Variants in GADL1 observed in about 807,000 individuals in gnomAD.
GADL1 encodes the protein GAD like acidic amino acid decarboxylase 1.
Under a neutral mutation model 69.5 loss-of-function variants are expected in GADL1, and 71 were observed. The observed-to-expected ratio is 1.02, with a 90% CI of 0.84 to 1.25. GADL1 has a LOEUF of 1.25. GADL1 is among the 50% of genes most tolerant of loss of function. The probability of loss-of-function intolerance (pLI) is 0.00; values close to 1 mark genes in which losing one functional copy is unlikely to be tolerated. For missense variants in GADL1, 737 were observed against 631.8 expected (o/e 1.17, Z -1.79); for synonymous variants, 254 against 214.4 (o/e 1.18, Z -1.62).
At chr3:30,774,796 A>G (rs975438356) in intron 14 of GADL1, among the ~76,000 whole-genome samples, 1 of 152,082 alleles carries the variant, frequency 6.6e-6, no homozygotes, top group East Asian at 2.0e-4. Flanking sequence ...AATAGTGGTC[A>G]TTGACTCTGA....
At chr3:30,891,151 A>G (rs1698780578) in intron 1 of GADL1, among the ~76,000 whole-genome samples, 1 of 152,090 alleles carries the variant, frequency 6.6e-6, no homozygotes, top group Non-Finnish European at 1.5e-5. Flanking sequence ...ATGATCTGAG[A>G]GGAACAGAAT....
chr3:30,858,553 G>T (rs1698264424), intron 2 of GADL1, among the ~76,000 whole-genome samples: 1 of 151,988 alleles, frequency 6.6e-6, no homozygotes, highest in African/African-American at 2.4e-5. Context: ...AGGGTGAGAT[G>T]AATGAGCCAA....
chr3:30,799,203 C>A (rs1029639332), intron 12 of GADL1: 11 of 152,304 alleles, frequency 7.2e-5, no homozygotes, highest in African/African-American at 2.7e-4. Flanking sequence ...AGCAGAGGGT[C>A]TCCATGAGGG....
At chr3:30,867,518 G>A (rs866960536) in intron 1 of GADL1, among the ~76,000 whole-genome samples, 9 of 150,990 alleles carry the variant, frequency 6.0e-5, no homozygotes, top group Non-Finnish European at 1.3e-4. Flanking sequence ...AAGTTTTACA[G>A]ATTTAACAAA....
chr3:30,860,007 G>C (rs913852987), intron 2 of GADL1, among the ~76,000 whole-genome samples: 3 of 151,868 alleles, frequency 2.0e-5, no homozygotes, highest in Admixed American at 2.0e-4. Context: ...TCCCCTTGCT[G>C]TGTTAAGTAC....
At chr3:30,831,045 A>G (rs1015393963) in intron 11 of GADL1, among the ~76,000 whole-genome samples, 1 of 151,986 alleles carries the variant, frequency 6.6e-6, no homozygotes, top group African/African-American at 2.4e-5. Flanking sequence ...CTCTCTTGCC[A>G]TCAACTCTGG....
chr3:30,849,987 A>G lies in GADL1; in HGVS notation c.651+9T>C. On this transcript the variant is annotated intron_variant, in intron 6 of 14. Transcript: ENST00000282538. ...AAAATCTATATTCAATACCAAAAAT[A>G]ATTTTTACCTCTGCAGATGTGAAAA... 6.7e-7 allele frequency: 1 copy of G among 1,487,652 alleles called. No individual in the cohort carries two copies. The highest frequency in any genetic ancestry group is 9.4e-7 in the Non-Finnish European group (1 of 1,068,216). 92.2% of individuals were successfully genotyped at this position (1,487,652 alleles called of 1,614,324 possible).
intron 13 of GADL1, among the ~76,000 whole-genome samples, chr3:30,785,617 G>GC (rs1425259596): frequency 1.3e-5 from 2 of 152,088 alleles, no homozygotes; most frequent in Non-Finnish European, 2.9e-5. Context: ...ACCTTGTGAT[G>GC]CCTGCCTTGG....
intron 1 of GADL1, among the ~76,000 whole-genome samples, chr3:30,878,384 T>C (rs1238785571): frequency 6.6e-6 from 1 of 151,880 alleles, no homozygotes; most frequent in Non-Finnish European, 1.5e-5. Flanking sequence ...AAGGAAGTGA[T>C]GGAGAACATG....
intron 14 of GADL1, among the ~76,000 whole-genome samples, chr3:30,762,145 G>T (rs977595912): frequency 6.6e-6 from 1 of 152,154 alleles, no homozygotes; most frequent in Admixed American, 6.5e-5. Flanking sequence ...TCTTTACATA[G>T]TGGAATTTGA....
At chr3:30,836,671 C>T in intron 9 of GADL1, among the ~76,000 whole-genome samples, 1 of 152,066 alleles carries the variant, frequency 6.6e-6, no homozygotes, top group Non-Finnish European at 1.5e-5. Context: ...TGAGATTTGG[C>T]AGCCTCTAAA....
intron 14 of GADL1, among the ~76,000 whole-genome samples, chr3:30,765,972 T>C (rs9876126): frequency 6.6e-6 from 1 of 152,074 alleles, no homozygotes; most frequent in Non-Finnish European, 1.5e-5. Flanking sequence ...CATAAGAGTA[T>C]ATGAAAAGGG....
intron 14 of GADL1, among the ~76,000 whole-genome samples, chr3:30,776,380 T>C (rs1228271710): frequency 6.6e-6 from 1 of 152,214 alleles, no homozygotes; most frequent in Non-Finnish European, 1.5e-5. Context: ...ACTTCACCAC[T>C]AAATTCTCAC....
At chr3:30,776,879 C>T (rs77411411) in intron 14 of GADL1, among the ~76,000 whole-genome samples, 2,829 of 152,304 alleles carry the variant, frequency 0.019, 29 homozygotes, top group Non-Finnish European at 0.027. Context: ...CCCTCTTGAG[C>T]CTCTGAGTTC....
intron 11 of GADL1, among the ~76,000 whole-genome samples, chr3:30,814,016 A>G (rs1235094435): frequency 4.6e-5 from 7 of 152,232 alleles, no homozygotes. Flanking sequence ...ACTCCTCAAC[A>G]TAGACATAAC....
At chr3:30,831,648 G>A (rs13318432) in intron 11 of GADL1, among the ~76,000 whole-genome samples, 81,880 of 151,736 alleles carry the variant, frequency 0.54, 25,831 homozygotes, top group African/African-American at 0.87. Flanking sequence ...GTAACAACCC[G>A]TATATCATGT....
rs148660336 is a variant in GADL1, at chr3:30,867,423, CAT to C, written c.38-5660_38-5659del. Among the ~76,000 whole-genome samples, 326 of 114,920 alleles carry C rather than the reference CAT, an allele frequency of 2.8e-3. 3 individuals are homozygous for C. The highest frequency in any genetic ancestry group is 9.7e-3 in the Middle Eastern group (2 of 206). 75.4% of individuals were successfully genotyped at this position (114,920 alleles called of 152,430 possible). ...TAAGAACTGAAAAATTACAATACTA[CAT>C]ATATATATATATATACACATATATG... On this transcript the variant is annotated intron_variant, in intron 1 of 14. Coordinates refer to ENST00000282538, the MANE Select transcript of GADL1 (RefSeq NM_207359.3).
At chr3:30,736,186 G>A (rs536098327) in intron 14 of GADL1, among the ~76,000 whole-genome samples, 1 of 152,082 alleles carries the variant, frequency 6.6e-6, no homozygotes, top group South Asian at 2.1e-4. Context: ...ATGTTTTCCT[G>A]TAATTATCAA....
At chr3:30,835,519 T>A (rs985959130) in intron 9 of GADL1, among the ~76,000 whole-genome samples, 1 of 152,080 alleles carries the variant, frequency 6.6e-6, no homozygotes, top group African/African-American at 2.4e-5. Context: ...ACAAGCAACT[T>A]TGTGGCCTTA....
Sources: gnomAD v4.1 joint callset for allele counts (sites outside exome capture counted in the v4.1 genomes callset) on GRCh38, gnomAD v4.1.1 for gene constraint, MANE v1.5 for transcripts, NCBI Gene and HGNC (gene_info 2026-07-23, HGNC 2026-07-21) for gene names.